Variants in SLC33A1 observed in about 807,000 individuals in gnomAD.
The protein encoded by SLC33A1 is acetyl-coenzyme A transporter 1.
Under a neutral mutation model 50.0 loss-of-function variants are expected in SLC33A1, and 20 were observed. The observed-to-expected ratio is 0.40, with a 90% confidence interval of 0.28 to 0.58. The LOEUF (loss-of-function observed/expected upper bound fraction) is 0.58, where lower values mean the gene tolerates loss of function less well. Among genes scored for constraint, SLC33A1 ranks in the 20% least tolerant of loss-of-function variants. The pLI is 0.44. For missense variants in SLC33A1, 476 were observed against 657.0 expected (o/e 0.72, Z 3.01); for synonymous variants, 265 against 251.8 (o/e 1.05, Z -0.50).
intron 1 of SLC33A1, among the ~76,000 whole-genome samples, chr3:155,852,690 T>C (rs913695184): frequency 1.3e-5 from 2 of 152,198 alleles, no homozygotes; most frequent in Non-Finnish European, 2.9e-5. Flanking sequence ...AACTCTGAAC[T>C]CTCCTAAAAT....
At chr3:155,845,277 AAAG>A (rs141311155) in intron 1 of SLC33A1, among the ~76,000 whole-genome samples, 29,904 of 152,052 alleles carry the variant, frequency 0.2, 7,477 homozygotes, top group African/African-American at 0.58. Flanking sequence ...CCAAGAGAAA[AAAG>A]AAGAAGAAAC....
At chr3:155,843,254 T>C (rs561173556) in intron 1 of SLC33A1, among the ~76,000 whole-genome samples, 87 of 152,138 alleles carry the variant, frequency 5.7e-4, no homozygotes, top group Non-Finnish European at 1.0e-3. Flanking sequence ...GATTTTCATA[T>C]CCCCTAAGAT....
chr3:155,833,758 T>C (rs1307666244), intron 3 of SLC33A1, 99 bp downstream of exon 3: 3 of 1,089,026 alleles, frequency 2.8e-6, no homozygotes, highest in Non-Finnish European at 2.8e-6. Flanking sequence ...TTTCAAATCT[T>C]TTTCCATATA....
intron 2 of SLC33A1, among the ~76,000 whole-genome samples, chr3:155,840,545 CG>C (rs1446823085): frequency 2.6e-5 from 4 of 151,636 alleles, no homozygotes; most frequent in Non-Finnish European, 5.9e-5. Flanking sequence ...TTGCCAGGCG[CG>C]GTGGCTCATG....
Position 155,825,655 on chromosome 3 carries a change from C to T in SLC33A1, c.*2555G>A, listed in dbSNP as rs1174259687. 2.0e-5 allele frequency: 3 copies of T among 152,130 alleles called. No individual in the cohort carries two copies. The highest frequency in any genetic ancestry group is 2.9e-5 in the Non-Finnish European group (2 of 68,026). The allele number at this position is 152,130 out of a possible 1,614,324, so 9.4% of individuals were successfully genotyped here. A position where few individuals can be genotyped will look rare whatever the true frequency, so the allele number is the denominator to read the frequency against. On this transcript the variant is annotated 3_prime_UTR_variant, in exon 6 of 6. Transcript: ENST00000643144. ...CTTTTCAAACTCAGATGTATATATG[C>T]GGCAACCAATGTGCATATGGAGATA... is the stretch of plus-strand genomic sequence containing the variant.
rs1752535146 is a variant in SLC33A1, at chr3:155,833,546, C to T, written c.1188G>A (p.Trp396Ter). The T allele has an allele frequency of 6.2e-7, 1 of 1,601,850 alleles. No individual in the cohort carries two copies. The highest frequency in any genetic ancestry group is 1.7e-5 in the Admixed American group (1 of 59,948). ...CCCCTTGATGTTCTACTTTAGGAGT[C>T]CACCAAACCAGTAGGGCATATTCTA... is the stretch of plus-strand genomic sequence containing the variant. ...LGLEYALLVW[W>*]TPKVEHQGGF... The change falls in exon 4 of 6, where the codon TGG (tryptophan) becomes TGA (stop). Residue 396 changes from tryptophan to a stop codon, truncating the protein, a stop_gained. Transcript: ENST00000643144. LOFTEE classifies it high-confidence loss of function.
In SLC33A1 at chr3:155,824,402, T is replaced by G. The variant is rs1258507096; in HGVS notation, c.*3808A>C. 6.6e-6 allele frequency: 1 copy of G among 152,140 alleles called. No individual in the cohort carries two copies. Among genetic ancestry groups the G allele is most frequent in the Non-Finnish European group, 1.5e-5 (1 of 68,018 alleles). The allele number at this position is 152,140 out of a possible 1,614,324, so 9.4% of individuals were successfully genotyped here. A position where few individuals can be genotyped will look rare whatever the true frequency, so the allele number is the denominator to read the frequency against. On this transcript the variant is annotated 3_prime_UTR_variant, in exon 6 of 6. Transcript: ENST00000643144. ...ACCATTTAATACAAAGCAACATACT[T>G]TCTCAGGTTTCTGTTAATAAGGCAA... is the stretch of plus-strand genomic sequence containing the variant.
Position 155,827,908 on chromosome 3 carries a change from T to G in SLC33A1, c.*302A>C, listed in dbSNP as rs1752253025. 1 of 316,222 alleles carries G rather than the reference T, an allele frequency of 3.2e-6. No individual in the cohort carries two copies. Among genetic ancestry groups the G allele is most frequent in the Non-Finnish European group, 6.0e-6 (1 of 167,220 alleles). 19.6% of individuals were successfully genotyped at this position (316,222 alleles called of 1,614,324 possible). On this transcript the variant is annotated 3_prime_UTR_variant, in exon 6 of 6. Coordinates refer to ENST00000643144, the MANE Select transcript of SLC33A1 (RefSeq NM_004733.4). The stretch of plus-strand genomic sequence containing the variant: ...CTACATGGTTACCACCCGTGACTAC[T>G]GCATTGCAGCTTAAAACATGCTTTG...
intron 1 of SLC33A1, among the ~76,000 whole-genome samples, chr3:155,845,271 G>C (rs1325936339): frequency 1.5e-5 from 2 of 136,330 alleles, no homozygotes; most frequent in African/African-American, 7.4e-5. Context: ...CCAATACCAA[G>C]AGAAAAAAGA....
intron 3 of SLC33A1, 98 bp from the exon 4 acceptor site, chr3:155,833,683 T>C (rs969866983): frequency 1.1e-6 from 1 of 945,474 alleles, no homozygotes; most frequent in East Asian, 2.4e-5. Flanking sequence ...AAAGAAGCTG[T>C]ATCTAAACCT....
intron 2 of SLC33A1, among the ~76,000 whole-genome samples, chr3:155,837,355 CAA>C (rs370005455): frequency 1.4e-4 from 10 of 69,350 alleles, no homozygotes; most frequent in East Asian, 4.8e-4. Context: ...GACTCCGTCT[CAA>C]AAAAAAAAAA....
At chr3:155,840,854 T>C (rs1752907153) in intron 2 of SLC33A1, among the ~76,000 whole-genome samples, 1 of 151,712 alleles carries the variant, frequency 6.6e-6, no homozygotes, top group Non-Finnish European at 1.5e-5. Context: ...GGCATGGTGG[T>C]GCACACTGTG....
rs1363392147 is a variant in SLC33A1, at chr3:155,853,752, G to A, written c.246C>T (p.Tyr82=). 1.9e-6 allele frequency: 3 copies of A among 1,614,044 alleles called. No individual in the cohort carries two copies. The highest frequency in any genetic ancestry group is 1.6e-4 in the Middle Eastern group (1 of 6,062). ...LSSILLLLFL[Y]VLQGIPLGLA... ...AGCCCAGGGGAATACCCTGAAGCAC[G>A]TAAAGAAAGAGTAGTAGCAAAATGC... Residue 82 remains tyrosine, a synonymous_variant, in exon 1 of 6, where the codon TAC becomes TAT. Transcript: ENST00000643144.
Position 155,836,760 on chromosome 3 carries a change from G to A in SLC33A1, c.964-2719C>T, listed in dbSNP as rs899046371. On this transcript the variant is annotated intron_variant, in intron 2 of 5. Coordinates refer to ENST00000643144, the MANE Select transcript of SLC33A1 (RefSeq NM_004733.4). ...AAATATTTTTTTTAATTTACTGGGC[G>A]TGGTGGTGGCACATGCCTGTACTTG... is the stretch of plus-strand genomic sequence containing the variant. 4.6e-5 allele frequency among the ~76,000 whole-genome samples: 7 copies of A among 152,034 alleles called. No homozygotes were observed. The South Asian group carries it at 8.3e-4, about 18-fold the overall frequency.
At chr3:155,836,064 C>A (rs1216868042) in intron 2 of SLC33A1, among the ~76,000 whole-genome samples, 1 of 150,754 alleles carries the variant, frequency 6.6e-6, no homozygotes, top group Non-Finnish European at 1.5e-5. Flanking sequence ...GTGGGTGGAT[C>A]ACGAGGTCAG....
At chr3:155,846,244 C>T (rs1753169513) in intron 1 of SLC33A1, among the ~76,000 whole-genome samples, 1 of 152,184 alleles carries the variant, frequency 6.6e-6, no homozygotes, top group South Asian at 2.1e-4. Flanking sequence ...TACAAGGAAA[C>T]AGAATCACAA....
chr3:155,846,548 G>A (rs1288123908), intron 1 of SLC33A1, among the ~76,000 whole-genome samples: 1 of 151,016 alleles, frequency 6.6e-6, no homozygotes, highest in Non-Finnish European at 1.5e-5. Context: ...CCACCTCCCA[G>A]GTTCAAGTGA....
chr3:155,822,756 ACTT>A lies in SLC33A1; in HGVS notation c.*5451_*5453del, dbSNP rs535213867. 4 of 152,130 alleles carry A rather than the reference ACTT, an allele frequency of 2.6e-5. No individual in the cohort carries two copies. Among genetic ancestry groups the A allele is most frequent in the African/African-American group, 7.2e-5 (3 of 41,424 alleles). 9.4% of individuals were successfully genotyped at this position (152,130 alleles called of 1,614,324 possible). A position where few individuals can be genotyped will look rare whatever the true frequency, so the allele number is the denominator to read the frequency against. ...GCAACCTTTTTCTAAATGAGTCAAG[ACTT>A]CTTATGAGCTATGCAAATTAATATT... On this transcript the variant is annotated 3_prime_UTR_variant, in exon 6 of 6. Transcript: ENST00000643144.
intron 2 of SLC33A1, among the ~76,000 whole-genome samples, chr3:155,840,607 G>A (rs1752893235): frequency 6.6e-6 from 1 of 151,598 alleles, no homozygotes; most frequent in East Asian, 2.0e-4. Context: ...CTGAGGTCAG[G>A]AGTTCAAGAC....
Sources: allele counts gnomAD v4.1 joint callset (sites outside exome capture counted in the v4.1 genomes callset), GRCh38; gene constraint gnomAD v4.1.1; transcripts MANE v1.5; gene names NCBI Gene and HGNC (gene_info 2026-07-23, HGNC 2026-07-21).